TRIM36: variants seen among roughly 807,000 people sequenced by gnomAD.
TRIM36 encodes E3 ubiquitin-protein ligase TRIM36.
A neutral mutation model predicts 72.4 loss-of-function variants in TRIM36; 42 were observed. The ratio of observed to expected loss-of-function variants is 0.58; its 90% CI spans 0.45 to 0.75. The LOEUF (loss-of-function observed/expected upper bound fraction) is 0.75. Ranked by LOEUF, TRIM36 falls within the 30% of genes least tolerant of loss-of-function variation. The probability of loss-of-function intolerance (pLI) is 0.00; values close to 1 mark genes in which losing one functional copy is unlikely to be tolerated. For synonymous variants in TRIM36, 315 were observed against 282.8 expected (o/e 1.11, Z -1.14); for missense variants, 913 against 857.1 (o/e 1.07, Z -0.81).
chr5:115,157,759 T>C (rs998271468), intron 2 of TRIM36, among the ~76,000 whole-genome samples: 5 of 152,102 alleles, frequency 3.3e-5, no homozygotes. Flanking sequence ...GTGGTATATA[T>C]ACACGACGGA....
At chr5:115,136,809 T>A (rs938590586) in intron 7 of TRIM36, among the ~76,000 whole-genome samples, 191 bp downstream of exon 7, 1 of 152,298 alleles carries the variant, frequency 6.6e-6, no homozygotes, top group South Asian at 2.1e-4. Flanking sequence ...CACAAACTAA[T>A]GGAACATAGT....
intron 2 of TRIM36, among the ~76,000 whole-genome samples, chr5:115,155,698 A>G (rs1366426830): frequency 6.6e-6 from 1 of 152,238 alleles, no homozygotes; most frequent in Non-Finnish European, 1.5e-5. Context: ...ACAAACCCAC[A>G]GCCAACATAA....
chr5:115,144,921 T>C (rs1333387937), intron 3 of TRIM36, among the ~76,000 whole-genome samples, 177 bp from the exon 4 acceptor site: 2 of 152,250 alleles, frequency 1.3e-5, no homozygotes, highest in Non-Finnish European at 2.9e-5. Flanking sequence ...TCGGAATTAC[T>C]ATTTTTCAAT....
At chr5:115,154,664 T>C (rs1487967208) in intron 2 of TRIM36, among the ~76,000 whole-genome samples, 1 of 152,134 alleles carries the variant, frequency 6.6e-6, no homozygotes, top group Non-Finnish European at 1.5e-5. Context: ...AACAGACTAG[T>C]AACAAGCACC....
At position 115,134,002 on chromosome 5, in the gene TRIM36, A is replaced by T. The variant is rs200788131; in HGVS notation, c.1356T>A (p.Asn452Lys). The T allele has an allele frequency of 6.2e-7, 1 of 1,613,688 alleles. No individual in the cohort carries two copies. Among genetic ancestry groups the T allele is most frequent in the African/African-American group, 1.3e-5 (1 of 75,020 alleles). ...TACTTGTTCCACACACTTCTATCTC[A>T]TTCCATGACATTTCATCATCTCTAT... ...KINRDDEMSW[N>K]EIEVCGTSKI... Residue 452 changes from asparagine to lysine, a missense_variant, in exon 8 of 10, where the codon AAT becomes AAA. Physicochemically the swap from Asn to Lys is moderately conservative, Grantham distance 94. Coordinates refer to ENST00000513154, the MANE Select transcript of TRIM36 (RefSeq NM_001300759.2).
At chr5:115,128,683 C>T (rs1342630970) in intron 9 of TRIM36, among the ~76,000 whole-genome samples, 2 of 131,026 alleles carry the variant, frequency 1.5e-5, no homozygotes, top group Admixed American at 8.7e-5. Context: ...ACCCAGGAAG[C>T]GGAGCTTGCA....
intron 1 of TRIM36, among the ~76,000 whole-genome samples, chr5:115,165,249 C>T (rs563576962): frequency 2.2e-4 from 33 of 152,292 alleles, no homozygotes; most frequent in African/African-American, 7.9e-4. Context: ...CTTCTCAGAG[C>T]TCCCCTAGGG....
At chr5:115,179,707 C>T (rs1755524687) in intron 1 of TRIM36, among the ~76,000 whole-genome samples, 1 of 152,254 alleles carries the variant, frequency 6.6e-6, no homozygotes, top group Admixed American at 6.5e-5. Flanking sequence ...CGCCCTTCGG[C>T]GTCCGAGAGC....
intron 8 of TRIM36, among the ~76,000 whole-genome samples, chr5:115,132,645 G>T (rs924131417): frequency 6.6e-6 from 1 of 151,522 alleles, no homozygotes; most frequent in Non-Finnish European, 1.5e-5. Flanking sequence ...TTCCTGGCAT[G>T]ATTATTTGTG....
chr5:115,156,906 A>C (rs1754202698), intron 2 of TRIM36, among the ~76,000 whole-genome samples: 1 of 152,204 alleles, frequency 6.6e-6, no homozygotes, highest in African/African-American at 2.4e-5. Flanking sequence ...AAAAATCTTC[A>C]AAATCTATAC....
intron 4 of TRIM36, among the ~76,000 whole-genome samples, chr5:115,142,946 C>T (rs1753353755): frequency 6.6e-6 from 1 of 151,988 alleles, no homozygotes; most frequent in Non-Finnish European, 1.5e-5. Context: ...GAGGGCAAAC[C>T]AAGAACCCTA....
chr5:115,174,886 C>T (rs1457277067), upstream of TRIM36, among the ~76,000 whole-genome samples: 1 of 152,152 alleles, frequency 6.6e-6, no homozygotes, highest in Non-Finnish European at 1.5e-5. Flanking sequence ...CCCAGTGCTG[C>T]TCTCACGGAC....
intron 1 of TRIM36, among the ~76,000 whole-genome samples, chr5:115,178,429 A>T (rs1030423695): frequency 6.6e-6 from 1 of 152,112 alleles, no homozygotes; most frequent in African/African-American, 2.4e-5. Flanking sequence ...CTCGCTCTTT[A>T]GAGGCCGTGG....
intron 3 of TRIM36, among the ~76,000 whole-genome samples, chr5:115,146,558 A>G (rs543149577): frequency 3.6e-4 from 55 of 152,312 alleles, no homozygotes; most frequent in Non-Finnish European, 6.0e-4. Context: ...ATTACTCAGA[A>G]TGTTTAAGAA....
At chr5:115,144,179 TA>T (rs1325892496) in intron 4 of TRIM36, among the ~76,000 whole-genome samples, 2 of 152,186 alleles carry the variant, frequency 1.3e-5, no homozygotes, top group African/African-American at 4.8e-5. Flanking sequence ...AATTCAGTTT[TA>T]AATGGTAAGT....
intron 2 of TRIM36, chr5:115,149,100 C>T (rs1753751061): frequency 6.6e-6 from 1 of 152,090 alleles, no homozygotes; most frequent in Non-Finnish European, 1.5e-5. Flanking sequence ...TTAACGTTTA[C>T]ATTTTTAAAC....
chr5:115,147,439 T>G (rs777794124), intron 2 of TRIM36, 45 bp from the exon 3 acceptor site: 2 of 1,563,634 alleles, frequency 1.3e-6, no homozygotes, highest in Non-Finnish European at 1.7e-6. Context: ...AGTAGGAAAA[T>G]GATTAGAATG....
chr5:115,156,420 T>C (rs992543450), intron 2 of TRIM36, among the ~76,000 whole-genome samples: 3 of 152,166 alleles, frequency 2.0e-5, no homozygotes, highest in Non-Finnish European at 4.4e-5. Context: ...CAAACTATAC[T>C]GTAAGGCCAT....
chr5:115,129,752 C>T (rs1752549336), intron 9 of TRIM36, among the ~76,000 whole-genome samples: 1 of 152,114 alleles, frequency 6.6e-6, no homozygotes, highest in African/African-American at 2.4e-5. Flanking sequence ...AGCTTTTTCA[C>T]CTTTATCATA....
Sources: gnomAD v4.1 joint callset for allele counts (sites outside exome capture counted in the v4.1 genomes callset) on GRCh38, gnomAD v4.1.1 for gene constraint, MANE v1.5 for transcripts, NCBI Gene and HGNC (gene_info 2026-07-23, HGNC 2026-07-21) for gene names.